CAST: variants seen among roughly 807,000 people sequenced by gnomAD.
The protein encoded by CAST is MIR583 host.
In CAST, 76 loss-of-function variants were observed where a neutral mutation model predicts 119.6. That is an observed-to-expected ratio of 0.64 (90% CI 0.53 to 0.77). The LOEUF (loss-of-function observed/expected upper bound fraction) is 0.77, where lower values mean the gene tolerates loss of function less well. Among genes scored for constraint, CAST ranks in the 30% least tolerant of loss-of-function variants. CAST has a pLI of 0.00. For missense variants in CAST, 953 were observed against 946.5 expected, an observed-to-expected ratio of 1.01 and a Z score of -0.09; for synonymous variants, 319 against 331.6, an observed-to-expected ratio of 0.96 and a Z score of 0.41.
intron 1 of CAST, among the ~76,000 whole-genome samples, chr5:96,617,370 A>G (rs1203606882): frequency 1.3e-5 from 2 of 152,190 alleles, no homozygotes; most frequent in Non-Finnish European, 2.9e-5. Context: ...GAAAACACCT[A>G]CAAAATGCCA....
At position 96,688,529 on chromosome 5, in the gene CAST, C is replaced by T. The variant is rs115119001; in HGVS notation, c.139-7307C>T. On this transcript the variant is annotated intron_variant, in intron 2 of 31. Coordinates refer to ENST00000675179, the MANE Select transcript of CAST (RefSeq NM_001750.7). ...TAAAATCATAGCGCTGATATACTGACGAAGGCATTTTTAATACTGTGTTTT... is the reference window on the plus strand; with the variant it reads ...TAAAATCATAGCGCTGATATACTGATGAAGGCATTTTTAATACTGTGTTTT... Among the ~76,000 whole-genome samples the T allele has an allele frequency of 8.5e-3, 1,295 of 152,212 alleles. 26 individuals are homozygous for T. The highest frequency in any genetic ancestry group is 0.03 in the African/African-American group (1,227 of 41,534).
the CAST span, among the ~76,000 whole-genome samples, chr5:96,118,630 CTTT>C: frequency 1.6e-4 from 21 of 129,900 alleles, no homozygotes; most frequent in Admixed American, 1.6e-4. Flanking sequence ...TGGAAATTTG[CTTT>C]TTTTTTTTTT....
At chr5:96,429,222 A>G in the CAST span, 1 of 1,512,640 alleles carries the variant, frequency 6.6e-7, no homozygotes. Context: ...CACGATCATC[A>G]TCAGATAATC....
At chr5:96,326,586 T>A in the CAST span, among the ~76,000 whole-genome samples, 2 of 152,302 alleles carry the variant, frequency 1.3e-5, no homozygotes, top group East Asian at 3.9e-4. Context: ...CTCTTTAATT[T>A]GTACGTACCT....
At chr5:96,336,131 C>T in the CAST span, among the ~76,000 whole-genome samples, 1 of 152,162 alleles carries the variant, frequency 6.6e-6, no homozygotes, top group Admixed American at 6.6e-5. Flanking sequence ...GAAATTCAAC[C>T]TCCTTTCCTG....
the CAST span, among the ~76,000 whole-genome samples, chr5:96,398,679 T>C: frequency 2.0e-5 from 3 of 152,194 alleles, no homozygotes; most frequent in Admixed American, 1.3e-4. Flanking sequence ...CCTCATTCTC[T>C]GCTTATCAAA....
chr5:96,730,773 G>A lies in CAST; in HGVS notation c.550-7G>A, dbSNP rs1206926835. ...GCTCTGTCAACCTTTTATCCTCACT[G>A]TCTTAGACTAAACCACAAGACATGA... On this transcript the variant is annotated splice_polypyrimidine_tract_variant and splice_region_variant and intron_variant, in intron 8 of 31. Transcript: ENST00000675179. 1 of 1,610,008 alleles carries A rather than the reference G, an allele frequency of 6.2e-7. No homozygotes were observed. Among genetic ancestry groups the A allele is most frequent in the Non-Finnish European group, 8.5e-7 (1 of 1,176,222 alleles).
the CAST span, among the ~76,000 whole-genome samples, chr5:96,487,936 T>A: frequency 6.6e-6 from 1 of 152,318 alleles, no homozygotes; most frequent in African/African-American, 2.4e-5. Flanking sequence ...TATGTAAGAT[T>A]TTTCTCCAGC....
the CAST span, chr5:95,961,530 TGC>T: frequency 6.8e-7 from 1 of 1,481,128 alleles, no homozygotes; most frequent in South Asian, 1.3e-5. Context: ...CCGTGAGGGG[TGC>T]GCTCTGCCTC....
At chr5:96,626,599 T>C (rs1276570936) in intron 1 of CAST, among the ~76,000 whole-genome samples, 1 of 152,200 alleles carries the variant, frequency 6.6e-6, no homozygotes, top group Non-Finnish European at 1.5e-5. Context: ...GACTGCTTAT[T>C]GTCAGGGTCA....
At chr5:96,461,882 G>C in the CAST span, among the ~76,000 whole-genome samples, 2 of 152,128 alleles carry the variant, frequency 1.3e-5, no homozygotes, top group Admixed American at 6.6e-5. Flanking sequence ...AAGTAGATCA[G>C]TGCTCCATTT....
At chr5:96,703,220 G>A (rs1242644256) in intron 3 of CAST, among the ~76,000 whole-genome samples, 2 of 146,622 alleles carry the variant, frequency 1.4e-5, no homozygotes, top group Non-Finnish European at 3.0e-5. Context: ...CCCGGTACAA[G>A]TGGCCCGAGA....
At chr5:96,035,117 A>G in the CAST span, among the ~76,000 whole-genome samples, 2 of 144,104 alleles carry the variant, frequency 1.4e-5, no homozygotes, top group African/African-American at 5.1e-5. Context: ...CAAGATATAT[A>G]TAATATTTTA....
intron 1 of CAST, among the ~76,000 whole-genome samples, chr5:96,544,652 T>G (rs1359415843): frequency 6.6e-6 from 1 of 151,914 alleles, no homozygotes; most frequent in Non-Finnish European, 1.5e-5. Flanking sequence ...AGATAAAAAT[T>G]GAATAATATA....
chr5:96,525,645 C>T (rs931499560), upstream of CAST, among the ~76,000 whole-genome samples: 8 of 152,054 alleles, frequency 5.3e-5, no homozygotes, highest in African/African-American at 1.7e-4. Flanking sequence ...CTTTTGCCAA[C>T]GAATTGTAAT....
chr5:96,559,082 T>C (rs1746302670), intron 1 of CAST, among the ~76,000 whole-genome samples: 1 of 152,096 alleles, frequency 6.6e-6, no homozygotes, highest in Non-Finnish European at 1.5e-5. Flanking sequence ...TAATCCAGCA[T>C]ATAAACAGAA....
chr5:96,118,994 G>A, the CAST span, among the ~76,000 whole-genome samples: 2 of 152,004 alleles, frequency 1.3e-5, no homozygotes, highest in African/African-American at 4.8e-5. Context: ...GGGTACTTCC[G>A]TATCTTCATT....
At chr5:96,336,792 T>C in the CAST span, among the ~76,000 whole-genome samples, 1 of 152,192 alleles carries the variant, frequency 6.6e-6, no homozygotes, top group African/African-American at 2.4e-5. Context: ...AACACTCAAT[T>C]TGGAGTCAGG....
chr5:96,070,034 A>G, the CAST span, among the ~76,000 whole-genome samples: 1 of 152,152 alleles, frequency 6.6e-6, no homozygotes, highest in Non-Finnish European at 1.5e-5. Context: ...AAGTCTGAAG[A>G]CAGTCTGGAG....
Sources: allele counts gnomAD v4.1 joint callset (sites outside exome capture counted in the v4.1 genomes callset), GRCh38; gene constraint gnomAD v4.1.1; transcripts MANE v1.5; gene names NCBI Gene and HGNC (gene_info 2026-07-23, HGNC 2026-07-21).